SYNE1: variants seen among roughly 807,000 people sequenced by gnomAD.
SYNE1 encodes spectrin repeat containing nuclear envelope protein 1, also known as nesprin-1.
SYNE1 carries 616 observed loss-of-function variants against 1,111.0 expected under a neutral mutation model. The ratio of observed to expected loss-of-function variants is 0.55; its 90% CI spans 0.52 to 0.59. The LOEUF (loss-of-function observed/expected upper bound fraction) is 0.59. Ranked by LOEUF, SYNE1 falls within the 20% of genes least tolerant of loss-of-function variation. The probability of loss-of-function intolerance (pLI) is 0.00; values close to 1 mark genes in which losing one functional copy is unlikely to be tolerated. For synonymous variants in SYNE1, 3,855 were observed against 3,825.8 expected, an observed-to-expected ratio of 1.01 and a Z score of -0.28; for missense variants, 10,006 against 10,417.0, an observed-to-expected ratio of 0.96 and a Z score of 1.72.
chr6:152,430,482 C>G lies in SYNE1; in HGVS notation c.4689G>C (p.Lys1563Asn), dbSNP rs904987209. Residue 1563 changes from lysine (K) to asparagine (N), a missense_variant and splice_region_variant, in exon 35 of 146, where the codon AAG becomes AAC. By Grantham distance (94) the Lys-to-Asn change is moderately conservative (BLOSUM62 0). Transcript: ENST00000367255. ...TAAGTATAGGTGGATCAATTCTTAC[C>G]TTTCTAAGGTTCTCTTCAAACTTTT... Reference protein sequence around the residue: ...QQQKFEENLRKIQQSVSEFED... With the variant: ...QQQKFEENLRNIQQSVSEFED... The G allele has an allele frequency of 3.7e-6, 6 of 1,613,388 alleles. No homozygotes were observed. The highest frequency in any genetic ancestry group is 5.1e-6 in the Non-Finnish European group (6 of 1,179,446).
chr6:152,269,141 A>G lies in SYNE1; in HGVS notation c.18705+14T>C, dbSNP rs2092989019. 2 of 1,614,198 alleles carry G rather than the reference A, an allele frequency of 1.2e-6. No homozygotes were observed. Among genetic ancestry groups the G allele is most frequent in the Non-Finnish European group, 8.5e-7 (1 of 1,180,036 alleles). On this transcript the variant is annotated intron_variant, in intron 99 of 145. Coordinates refer to ENST00000367255, the MANE Select transcript of SYNE1 (RefSeq NM_182961.4). ...GCAGATCTGCAAGCTAGAGAGAGGT[A>G]GGAAACACTTTACTTTTTGTTGCTG...
rs2099690569 is a variant in SYNE1, at chr6:152,628,436, T to C, written c.-105A>G. Reference sequence around the variant, plus strand: ...TGCTTGGACTTTTCTAGATCTATTCTGTCATAAATGAATTCCAGGCCTTTG... The same window carrying C: ...TGCTTGGACTTTTCTAGATCTATTCCGTCATAAATGAATTCCAGGCCTTTG... On this transcript the variant is annotated 5_prime_UTR_variant, in exon 3 of 146. Coordinates refer to ENST00000367255, the MANE Select transcript of SYNE1 (RefSeq NM_182961.4). The C allele has an allele frequency of 1.7e-6, 2 of 1,146,248 alleles. No individual in the cohort carries two copies. Among genetic ancestry groups the C allele is most frequent in the Admixed American group, 1.7e-5 (1 of 57,958 alleles). 71.0% of individuals were successfully genotyped at this position (1,146,248 alleles called of 1,614,324 possible). A position where few individuals can be genotyped will look rare whatever the true frequency, so the allele number is the denominator to read the frequency against.
At chr6:152,571,242 A>G (rs1171724510) in intron 3 of SYNE1, among the ~76,000 whole-genome samples, 10 of 152,238 alleles carry the variant, frequency 6.6e-5, no homozygotes, top group Admixed American at 5.2e-4. Context: ...GAGATTGCTT[A>G]AGAACAGGAA....
At chr6:152,371,171 C>A (rs560790793) in intron 59 of SYNE1, among the ~76,000 whole-genome samples, 24 of 152,066 alleles carry the variant, frequency 1.6e-4, no homozygotes, top group Non-Finnish European at 3.1e-4. Context: ...GTGTCCCCCC[C>A]CAAATCTCAT....
Position 152,233,807 on chromosome 6 carries a change from G to C in SYNE1, c.20686C>G (p.Pro6896Ala). The change falls in exon 112 of 146, where the codon CCA (proline) becomes GCA (alanine). Residue 6896 changes from proline (P) to alanine (A), a missense_variant. Pro to Ala is a conservative substitution (Grantham distance 27, BLOSUM62 -1). This residue lies in a region of SYNE1 where 2,182 missense variants were observed against 2,287.8 expected (regional missense o/e 0.95). Transcript: ENST00000367255. ...SQWTDLLTNI[P>A]AVQEKLHQLQ... ...TGGTGGAGCTTCTCCTGGACGGCTG[G>C]GATATTGGTTAGCAGGTCAGTCCAC... is the stretch of plus-strand genomic sequence containing the variant. 6.2e-7 allele frequency: 1 copy of C among 1,614,152 alleles called. No homozygotes were observed. Among genetic ancestry groups the C allele is most frequent in the Non-Finnish European group, 8.5e-7 (1 of 1,180,034 alleles).
intron 3 of SYNE1, among the ~76,000 whole-genome samples, chr6:152,605,008 G>C (rs1220135090): frequency 3.5e-5 from 1 of 28,796 alleles, no homozygotes; most frequent in African/African-American, 1.9e-4. Flanking sequence ...AAGAAAGAAA[G>C]AGAGAGAGAG....
intron 101 of SYNE1, among the ~76,000 whole-genome samples, chr6:152,257,563 A>G (rs9397091): frequency 2.0e-5 from 3 of 151,936 alleles, no homozygotes; most frequent in Admixed American, 6.5e-5. Context: ...ATAAAAAAAG[A>G]AAATTAAATT....
At chr6:152,188,421 T>G (rs2153225926) in intron 128 of SYNE1, among the ~76,000 whole-genome samples, 1 of 152,292 alleles carries the variant, frequency 6.6e-6, no homozygotes, top group East Asian at 1.9e-4. Flanking sequence ...GGGATATTTT[T>G]TTAAAACGTT....
intron 21 of SYNE1, among the ~76,000 whole-genome samples, chr6:152,459,895 T>C (rs942032715): frequency 1.3e-5 from 2 of 152,214 alleles, no homozygotes; most frequent in Non-Finnish European, 2.9e-5. Context: ...GAATTATGTA[T>C]GAAGAAACGT....
At chr6:152,214,054 AG>A (rs2078073127) in intron 122 of SYNE1, among the ~76,000 whole-genome samples, 1 of 152,108 alleles carries the variant, frequency 6.6e-6, no homozygotes, top group South Asian at 2.1e-4. Context: ...TACAAAAATT[AG>A]CCGGGTGTGG....
intron 130 of SYNE1, among the ~76,000 whole-genome samples, chr6:152,169,389 T>C (rs1490001839): frequency 6.6e-6 from 1 of 151,492 alleles, no homozygotes; most frequent in Non-Finnish European, 1.5e-5. Context: ...TGTGAAACCC[T>C]GTCTCTACTA....
In SYNE1 at chr6:152,332,886, A is replaced by G. The variant is rs138907615; in HGVS notation, c.12795-996T>C. On this transcript the variant is annotated intron_variant, in intron 77 of 145. Transcript: ENST00000367255. ...AAAAGCAGGGTTGGGAGGCAGTATG[A>G]GGAGTTCTGTTTTGGACCTGTTAAG... Among the ~76,000 whole-genome samples, 4 of 152,336 alleles carry G rather than the reference A, an allele frequency of 2.6e-5. No individual in the cohort carries two copies. The East Asian group carries it at 7.7e-4, about 29-fold the overall frequency.
In SYNE1 at chr6:152,493,928, G is replaced by A. The variant is rs116825230; in HGVS notation, c.939+4814C>T. Among the ~76,000 whole-genome samples the A allele has an allele frequency of 3.2e-3, 494 of 152,150 alleles. 4 individuals carry two copies. The highest frequency in any genetic ancestry group is 0.01 in the African/African-American group (422 of 41,502). ...AAATCCTTTCCCCACTCGTCTTTCCGTTCCTTAAAAACTGTCCTAAAAGCT... is the reference window on the plus strand; with the variant it reads ...AAATCCTTTCCCCACTCGTCTTTCCATTCCTTAAAAACTGTCCTAAAAGCT... On this transcript the variant is annotated intron_variant, in intron 11 of 145. Coordinates refer to ENST00000367255, the MANE Select transcript of SYNE1 (RefSeq NM_182961.4).
In SYNE1 at chr6:152,291,248, T is replaced by G. The variant is rs189906803; in HGVS notation, c.18012+2340A>C. ...TGATATATTAATATATGCAATTATA[T>G]TAATATGATATATTAATATATGCAA... On this transcript the variant is annotated intron_variant, in intron 95 of 145. Transcript: ENST00000367255. Among the ~76,000 whole-genome samples, 931 of 135,360 alleles carry G rather than the reference T, an allele frequency of 6.9e-3. 32 individuals carry two copies. The highest frequency in any genetic ancestry group is 0.011 in the Non-Finnish European group (695 of 64,330). The allele number at this position is 135,360 out of a possible 152,430, so 88.8% of individuals were successfully genotyped here.
rs1239721405 is a variant in SYNE1, at chr6:152,456,061, C to T, written c.2569-17G>A. ...TAACAGTTCCTATAACGAAATGAAA[C>T]CCCACAACAATGTTATTTACAAGAC... On this transcript the variant is annotated splice_polypyrimidine_tract_variant and intron_variant, in intron 22 of 145. Transcript: ENST00000367255. The T allele has an allele frequency of 6.2e-7, 1 of 1,610,034 alleles. No homozygotes were observed.
chr6:152,451,283 A>C, intron 25 of SYNE1, 78 bp from the exon 26 acceptor site: 1 of 1,478,196 alleles, frequency 6.8e-7, no homozygotes, highest in South Asian at 1.1e-5. Context: ...TGGCAAAAAA[A>C]AAAACAAAAA....
At chr6:152,149,253 G>A (rs1371884542) in intron 136 of SYNE1, among the ~76,000 whole-genome samples, 1 of 152,174 alleles carries the variant, frequency 6.6e-6, no homozygotes, top group African/African-American at 2.4e-5. Flanking sequence ...GTACAGGGTA[G>A]TTACTGCTAC....
In SYNE1 at chr6:152,152,029, A is replaced by G. The variant is rs750841362; in HGVS notation, c.24242T>C (p.Met8081Thr). The G allele has an allele frequency of 2.2e-5, 36 of 1,614,152 alleles. No homozygotes were observed. Among genetic ancestry groups the G allele is most frequent in the Non-Finnish European group, 2.9e-5 (34 of 1,180,032 alleles). The change falls in exon 134 of 146, where the codon ATG becomes ACG. Residue 8081 changes from methionine to threonine, a missense_variant. Physicochemically the swap from Met to Thr is moderately conservative, Grantham distance 81. Around this residue, in one of 7 missense-constraint regions of SYNE1, gnomAD observed 2,182 missense variants for 2,287.8 expected, o/e 0.95. Coordinates refer to ENST00000367255, the MANE Select transcript of SYNE1 (RefSeq NM_182961.4). Reference protein sequence around the residue: ...RTDSACSLKQMVHEGNQRWDN... With the variant: ...RTDSACSLKQTVHEGNQRWDN... ...CCATCTCTGGTTGCCTTCGTGAACC[A>G]TCTGTTTGAGGCTACATGCTGAATC... is the stretch of plus-strand genomic sequence containing the variant.
rs79832279 is a variant in SYNE1 at position 152,545,708 on chromosome 6, T to C, written c.68-5687A>G. ...ATAGTACCATGCATTGATACATTTA[T>C]AGGAGCTTGCAATAGGTTATGATAA... On this transcript the variant is annotated intron_variant, in intron 3 of 145. Transcript: ENST00000367255. Among the ~76,000 whole-genome samples the C allele has an allele frequency of 7.7e-3, 1,179 of 152,334 alleles. 20 individuals carry two copies. Among genetic ancestry groups the C allele is most frequent in the African/African-American group, 0.027 (1,125 of 41,570 alleles).
Sources: gnomAD v4.1 joint callset for allele counts (sites outside exome capture counted in the v4.1 genomes callset) on GRCh38, gnomAD v4.1.1 for gene constraint, gnomAD v4.1.1 regional missense constraint, MANE v1.5 for transcripts, NCBI Gene and HGNC (gene_info 2026-07-23, HGNC 2026-07-21) for gene names.